Variants in VSTM4 observed in about 807,000 individuals in gnomAD.
VSTM4 encodes V-set and transmembrane domain-containing protein 4.
VSTM4 carries 20 observed loss-of-function variants against 36.4 expected under a neutral mutation model. That is an observed-to-expected ratio of 0.55 (90% CI 0.39 to 0.80). The LOEUF is 0.80. Ranked by LOEUF, VSTM4 falls within the 30% of genes least tolerant of loss-of-function variation. VSTM4 has a pLI of 0.00. For missense variants in VSTM4, 392 were observed against 404.5 expected (o/e 0.97, Z 0.26); for synonymous variants, 182 against 173.9 (o/e 1.05, Z -0.37).
intron 4 of VSTM4, among the ~76,000 whole-genome samples, chr10:49,069,870 C>T (rs568374905): frequency 4.6e-5 from 7 of 152,308 alleles, no homozygotes; most frequent in African/African-American, 1.7e-4. Flanking sequence ...CTCCAGGTGG[C>T]TATCAAGTCC....
At chr10:49,027,208 C>T (rs896885168) in intron 7 of VSTM4, among the ~76,000 whole-genome samples, 1 of 152,198 alleles carries the variant, frequency 6.6e-6, no homozygotes, top group Non-Finnish European at 1.5e-5. Flanking sequence ...GAACTGCTCC[C>T]TGGCCAGTGA....
chr10:49,053,184 C>T (rs780095697), intron 5 of VSTM4, among the ~76,000 whole-genome samples: 4 of 152,180 alleles, frequency 2.6e-5, no homozygotes, highest in Non-Finnish European at 5.9e-5. Context: ...AATTAGAGAG[C>T]TGTTTGATTA....
At chr10:49,020,026 C>T (rs763468235) in intron 7 of VSTM4, among the ~76,000 whole-genome samples, 3 of 151,798 alleles carry the variant, frequency 2.0e-5, no homozygotes, top group African/African-American at 2.4e-5. Flanking sequence ...GAAACACTCA[C>T]AAAAAAATGA....
intron 2 of VSTM4, among the ~76,000 whole-genome samples, chr10:49,097,489 C>G (rs1233537006): frequency 6.6e-6 from 1 of 152,152 alleles, no homozygotes; most frequent in Non-Finnish European, 1.5e-5. Flanking sequence ...ATGTCTTAGA[C>G]TTGGGGACAA....
intron 3 of VSTM4, among the ~76,000 whole-genome samples, chr10:49,077,723 C>T (rs1196776942): frequency 1.3e-5 from 2 of 152,138 alleles, no homozygotes; most frequent in Admixed American, 1.3e-4. Flanking sequence ...AAAAAACCCA[C>T]AAGAAAAATC....
intron 5 of VSTM4, among the ~76,000 whole-genome samples, chr10:49,049,853 G>A (rs1223430400): frequency 2.0e-5 from 3 of 152,150 alleles, no homozygotes; most frequent in Non-Finnish European, 4.4e-5. Context: ...AGTATTGCTG[G>A]CAGCAGCGTG....
At chr10:49,033,179 A>G (rs188323185) in intron 7 of VSTM4, among the ~76,000 whole-genome samples, 1 of 152,374 alleles carries the variant, frequency 6.6e-6, no homozygotes, top group East Asian at 1.9e-4. Flanking sequence ...GGTTAAAGAA[A>G]TGATGATACT....
chr10:49,112,131 G>A (rs1036143986), intron 1 of VSTM4, among the ~76,000 whole-genome samples: 7 of 152,176 alleles, frequency 4.6e-5, no homozygotes, highest in African/African-American at 1.7e-4. Flanking sequence ...ATCCTCAGAA[G>A]GCATTCCCTA....
intron 3 of VSTM4, among the ~76,000 whole-genome samples, chr10:49,084,143 C>T (rs151005915): frequency 6.6e-6 from 1 of 152,314 alleles, no homozygotes; most frequent in Non-Finnish European, 1.5e-5. Flanking sequence ...GTAAACCTTG[C>T]CCTTACTACT....
intron 1 of VSTM4, among the ~76,000 whole-genome samples, chr10:49,114,092 C>T (rs569490972): frequency 3.9e-5 from 6 of 152,276 alleles, no homozygotes; most frequent in South Asian, 4.2e-4. Context: ...ACAGAGACCA[C>T]GAGAACTGGC....
At chr10:49,063,536 C>T (rs1843919757) in intron 5 of VSTM4, among the ~76,000 whole-genome samples, 1 of 152,108 alleles carries the variant, frequency 6.6e-6, no homozygotes, top group African/African-American at 2.4e-5. Flanking sequence ...GGCAGTCACC[C>T]AGGTTTATCA....
intron 1 of VSTM4, among the ~76,000 whole-genome samples, chr10:49,110,095 C>T (rs1844865158): frequency 6.6e-6 from 1 of 152,202 alleles, no homozygotes; most frequent in South Asian, 2.1e-4. Flanking sequence ...CAGCTGGCTT[C>T]CAGAACTGAA....
At chr10:49,079,253 G>T (rs1844236317) in intron 3 of VSTM4, among the ~76,000 whole-genome samples, 1 of 152,034 alleles carries the variant, frequency 6.6e-6, no homozygotes, top group South Asian at 2.1e-4. Flanking sequence ...ACCCAGGCTG[G>T]AGTGCAGTGA....
At chr10:49,068,581 G>A (rs1255063286) in intron 4 of VSTM4, among the ~76,000 whole-genome samples, 1 of 152,210 alleles carries the variant, frequency 6.6e-6, no homozygotes, top group Non-Finnish European at 1.5e-5. Flanking sequence ...GGACATCAAA[G>A]ATGAGGTTTA....
chr10:49,102,674 G>A, intron 2 of VSTM4: 2 of 985,318 alleles, frequency 2.0e-6, no homozygotes, highest in African/African-American at 3.5e-5. Context: ...GAGAGGTAAG[G>A]CATCCCAGAG....
Position 49,015,653 on chromosome 10 carries a change from T to C in VSTM4, c.*3997A>G, listed in dbSNP as rs1284769743. 1.3e-5 allele frequency: 2 copies of C among 152,156 alleles called. No homozygotes were observed. The highest frequency in any genetic ancestry group is 3.9e-4 in the East Asian group (2 of 5,192). The allele number at this position is 152,156 out of a possible 1,614,324, so 9.4% of individuals were successfully genotyped here. ...AGTGTGGTCTGGAGTGGGGTCAATG[T>C]CCCCGCCATGTGGCTGCCTCACTTT... is the stretch of plus-strand genomic sequence containing the variant. On this transcript the variant is annotated 3_prime_UTR_variant, in exon 8 of 8. Coordinates refer to ENST00000332853, the MANE Select transcript of VSTM4 (RefSeq NM_001031746.5).
intron 3 of VSTM4, among the ~76,000 whole-genome samples, chr10:49,079,151 C>A (rs1350625245): frequency 6.6e-6 from 1 of 152,086 alleles, no homozygotes. Context: ...TATTAATCTA[C>A]AATAATCTCA....
chr10:49,064,489 A>G lies in VSTM4; in HGVS notation c.668+214T>C, dbSNP rs537530070. On this transcript the variant is annotated intron_variant, in intron 5 of 7. Coordinates refer to ENST00000332853, the MANE Select transcript of VSTM4 (RefSeq NM_001031746.5). ...TCCAGCAAGCCTGCTGGGCCAGCAA[A>G]AGCTGCATGCTCTCTGGATCCCTGG... The G allele has an allele frequency of 7.0e-6, 4 of 570,756 alleles. No individual in the cohort carries two copies. The South Asian group carries it at 8.4e-5, about 12-fold the overall frequency. 35.4% of individuals were successfully genotyped at this position (570,756 alleles called of 1,614,324 possible).
chr10:49,030,667 C>T (rs1311758065), intron 7 of VSTM4, among the ~76,000 whole-genome samples: 3 of 152,132 alleles, frequency 2.0e-5, no homozygotes, highest in Non-Finnish European at 2.9e-5. Flanking sequence ...TCCTTGAGTC[C>T]AAAAAGTACA....
Sources: gnomAD v4.1 joint callset for allele counts (sites outside exome capture counted in the v4.1 genomes callset) on GRCh38, gnomAD v4.1.1 for gene constraint, MANE v1.5 for transcripts, NCBI Gene and HGNC (gene_info 2026-07-23, HGNC 2026-07-21) for gene names.